Variants in CDH23 observed in about 807,000 individuals in gnomAD.
The protein encoded by CDH23 is cadherin related 23.
A neutral mutation model predicts 317.1 loss-of-function variants in CDH23; 189 were observed. That is an observed-to-expected ratio of 0.60 (90% confidence interval 0.53 to 0.67). The LOEUF is 0.67. Ranked by LOEUF, CDH23 falls within the 30% of genes least tolerant of loss-of-function variation. The probability of loss-of-function intolerance (pLI) is 0.00; values close to 1 mark genes in which losing one functional copy is unlikely to be tolerated. For missense variants in CDH23, 4,401 were observed against 4,592.4 expected (o/e 0.96, Z 1.20); for synonymous variants, 1,839 against 1,876.8 (o/e 0.98, Z 0.52).
intron 6 of CDH23, among the ~76,000 whole-genome samples, chr10:71,522,399 A>G (rs1854749777): frequency 6.6e-6 from 1 of 152,002 alleles, no homozygotes. Context: ...TATCCATTCC[A>G]GTGGGTTTCT....
At chr10:71,771,554 TGGG>T (rs1840685728) in intron 38 of CDH23, among the ~76,000 whole-genome samples, 3 of 152,194 alleles carry the variant, frequency 2.0e-5, no homozygotes, top group Admixed American at 2.0e-4. Context: ...CCTAGGGAGT[TGGG>T]TGAATATCTA....
chr10:71,517,849 T>C (rs1854426622), intron 6 of CDH23, among the ~76,000 whole-genome samples: 1 of 152,148 alleles, frequency 6.6e-6, no homozygotes, highest in African/African-American at 2.4e-5. Context: ...ACGATGTCTC[T>C]ATGGCCCTCG....
chr10:71,775,782 C>A (rs1159800678), intron 38 of CDH23, among the ~76,000 whole-genome samples: 1 of 152,200 alleles, frequency 6.6e-6, no homozygotes, highest in East Asian at 1.9e-4. Context: ...TGCTTGTTTT[C>A]ATTAAAAATA....
rs559439407 is a variant in CDH23 at position 71,677,114 on chromosome 10, G to A, written c.1515-342G>A. ...AGCATTCTGGTGCAAAACGATCTGGGTTGGCACACGTTTTTACCCTCACAG... is the reference window on the plus strand; with the variant it reads ...AGCATTCTGGTGCAAAACGATCTGGATTGGCACACGTTTTTACCCTCACAG... On this transcript the variant is annotated intron_variant, in intron 15 of 69. Coordinates refer to ENST00000224721, the MANE Select transcript of CDH23 (RefSeq NM_022124.6). Among the ~76,000 whole-genome samples, 8 of 152,216 alleles carry A rather than the reference G, an allele frequency of 5.3e-5. No homozygotes were observed. In the South Asian group the frequency reaches 1.5e-3, roughly 28 times the overall value.
chr10:71,666,467 A>G (rs985899458), intron 14 of CDH23, among the ~76,000 whole-genome samples: 6 of 152,150 alleles, frequency 3.9e-5, no homozygotes, highest in Non-Finnish European at 7.4e-5. Flanking sequence ...AAAGGCACTC[A>G]GAGAGCAGCT....
At chr10:71,642,393 CTTT>C (rs781291264) in intron 11 of CDH23, among the ~76,000 whole-genome samples, 2 of 85,384 alleles carry the variant, frequency 2.3e-5, no homozygotes. Flanking sequence ...GGCCCGGCCT[CTTT>C]TTTTTTTTTT....
chr10:71,699,304 T>C (rs1356765919), intron 22 of CDH23, among the ~76,000 whole-genome samples: 1 of 152,264 alleles, frequency 6.6e-6, no homozygotes, highest in Non-Finnish European at 1.5e-5. Context: ...GGAGGTAGAC[T>C]AGGGCGTATG....
intron 41 of CDH23, among the ~76,000 whole-genome samples, chr10:71,780,161 A>AT (rs1429694424): frequency 6.6e-6 from 1 of 152,128 alleles, no homozygotes; most frequent in East Asian, 1.9e-4. Flanking sequence ...AAACATCCTG[A>AT]TTTTTTAATT....
At chr10:71,647,179 C>T (rs1190201533) in intron 14 of CDH23, 2 of 822,204 alleles carry the variant, frequency 2.4e-6, no homozygotes, top group Non-Finnish European at 2.9e-6. Context: ...TAAGTGATTT[C>T]AGGCCGGGCT....
At position 71,707,030 on chromosome 10, in the gene CDH23, G is replaced by A. The variant is rs1480857099; in HGVS notation, c.3087G>A (p.Glu1029=). ...ACAACGACGTGGGCCTCAATGCAGA[G>A]CTCAGCTACTTCATCACAGGTGCTG... The part of the protein sequence containing the change: ...CTDNDVGLNA[E]LSYFITGGNV... Residue 1029 remains glutamate (E), a synonymous_variant, in exon 26 of 70, where the codon GAG becomes GAA. Transcript: ENST00000224721. The A allele has an allele frequency of 1.9e-6, 3 of 1,606,366 alleles. No individual in the cohort carries two copies. Among genetic ancestry groups the A allele is most frequent in the East Asian group, 4.5e-5 (2 of 44,560 alleles).
At chr10:71,417,746 A>G (rs1255908404) in intron 1 of CDH23, among the ~76,000 whole-genome samples, 1 of 149,550 alleles carries the variant, frequency 6.7e-6, no homozygotes, top group Non-Finnish European at 1.5e-5. Context: ...AGTAGCTGGG[A>G]CTACAGGTGC....
At chr10:71,804,825 A>G (rs552179205) in intron 55 of CDH23, among the ~76,000 whole-genome samples, 15 of 152,010 alleles carry the variant, frequency 9.9e-5, no homozygotes, top group Non-Finnish European at 1.5e-4. Flanking sequence ...GTTATAATTT[A>G]TGTATTCTTG....
Position 71,453,812 on chromosome 10 carries a change from C to T in CDH23, c.145+7417C>T, listed in dbSNP as rs531833069. 2.0e-4 allele frequency among the ~76,000 whole-genome samples: 31 copies of T among 152,262 alleles called. No homozygotes were observed. The East Asian group carries it at 2.9e-3, about 14-fold the overall frequency. ...CACAGGAATTGTGGGGCTAAAGGGA[C>T]GGGGATGGGAGGAGTCCAGTGGCTC... On this transcript the variant is annotated intron_variant, in intron 3 of 69. Coordinates refer to ENST00000224721, the MANE Select transcript of CDH23 (RefSeq NM_022124.6).
At chr10:71,446,444 T>G (rs772762752) in intron 3 of CDH23, 49 bp downstream of exon 3, 2 of 1,547,358 alleles carry the variant, frequency 1.3e-6, no homozygotes, top group East Asian at 4.5e-5. Flanking sequence ...TGGGGTGCAA[T>G]CCCTTCCCAC....
intron 3 of CDH23, among the ~76,000 whole-genome samples, chr10:71,479,546 G>A (rs1851965935): frequency 6.6e-6 from 1 of 152,164 alleles, no homozygotes; most frequent in Admixed American, 6.5e-5. Flanking sequence ...TCCTGCTCCT[G>A]CTAATGCCAT....
intron 3 of CDH23, among the ~76,000 whole-genome samples, chr10:71,484,258 C>T (rs1852224664): frequency 1.3e-5 from 2 of 152,174 alleles, no homozygotes; most frequent in Non-Finnish European, 2.9e-5. Context: ...AAGCAATTTG[C>T]CGTGGCGAGG....
chr10:71,479,809 G>T (rs934131541), intron 3 of CDH23, among the ~76,000 whole-genome samples: 1 of 152,278 alleles, frequency 6.6e-6, no homozygotes, highest in South Asian at 2.1e-4. Context: ...TGGGAGCAGC[G>T]GAGAGGCTGG....
At chr10:71,790,437 A>C in intron 46 of CDH23, 24 bp downstream of exon 46, 2 of 1,608,800 alleles carry the variant, frequency 1.2e-6, no homozygotes, top group Non-Finnish European at 1.7e-6. Flanking sequence ...GCCACCCAGC[A>C]CTCCCAGCCT....
chr10:71,781,355 G>T (rs1223927695), intron 41 of CDH23, among the ~76,000 whole-genome samples: 1 of 152,188 alleles, frequency 6.6e-6, no homozygotes, highest in Non-Finnish European at 1.5e-5. Flanking sequence ...CAAGCACTAG[G>T]CCTTCCTCTT....
Sources: allele counts gnomAD v4.1 joint callset (sites outside exome capture counted in the v4.1 genomes callset), GRCh38; gene constraint gnomAD v4.1.1; transcripts MANE v1.5; gene names NCBI Gene and HGNC (gene_info 2026-07-23, HGNC 2026-07-21).